Variants in OSBPL10 observed in about 807,000 individuals in gnomAD.
The protein encoded by OSBPL10 is oxysterol binding protein like 10.
OSBPL10 carries 49 observed loss-of-function variants against 81.7 expected under a neutral mutation model. That is an observed-to-expected ratio of 0.60 (90% CI 0.48 to 0.76). The LOEUF (loss-of-function observed/expected upper bound fraction) is 0.76. Ranked by LOEUF, OSBPL10 falls within the 30% of genes least tolerant of loss-of-function variation. The pLI, the probability that OSBPL10 is intolerant of heterozygous loss-of-function variation, is 0.00. For missense variants in OSBPL10, 923 were observed against 987.8 expected (o/e 0.93, Z 0.88); for synonymous variants, 419 against 383.6 (o/e 1.09, Z -1.08).
intron 2 of OSBPL10, among the ~76,000 whole-genome samples, chr3:32,038,422 G>A (rs755984075): frequency 1.6e-4 from 25 of 152,166 alleles, no homozygotes; most frequent in Non-Finnish European, 2.9e-4. Context: ...CCGGGTTCAA[G>A]TGATTCTTGT....
At chr3:31,820,033 T>C (rs1699940507) in intron 4 of OSBPL10, among the ~76,000 whole-genome samples, 1 of 150,244 alleles carries the variant, frequency 6.7e-6, no homozygotes. Context: ...GTAGATCTCC[T>C]ATGGTTCTGT....
At chr3:31,783,146 T>TATATATATAC (rs1485968747) in intron 4 of OSBPL10, among the ~76,000 whole-genome samples, 71 of 112,942 alleles carry the variant, frequency 6.3e-4, no homozygotes, top group African/African-American at 2.3e-3. Flanking sequence ...TATATATATA[T>TATATATATAC]ACACACACAC....
chr3:31,775,935 T>C (rs941370631), intron 4 of OSBPL10, among the ~76,000 whole-genome samples: 3 of 152,094 alleles, frequency 2.0e-5, no homozygotes, highest in African/African-American at 4.8e-5. Context: ...ATATCGCTGA[T>C]GCAATATGAA....
chr3:31,775,229 G>C (rs1219162259), intron 4 of OSBPL10, among the ~76,000 whole-genome samples: 1 of 152,068 alleles, frequency 6.6e-6, no homozygotes, highest in Admixed American at 6.5e-5. Flanking sequence ...ATTTAAAAAA[G>C]AGTTTGCCCC....
At chr3:31,792,157 C>T (rs890437773) in intron 4 of OSBPL10, among the ~76,000 whole-genome samples, 1 of 151,036 alleles carries the variant, frequency 6.6e-6, no homozygotes, top group African/African-American at 2.4e-5. Flanking sequence ...CGAGCTCACG[C>T]AATTGAGGCT....
chr3:31,683,221 T>C (rs75026175), intron 8 of OSBPL10, among the ~76,000 whole-genome samples: 6,717 of 152,344 alleles, frequency 0.044, 376 homozygotes, highest in East Asian at 0.31. Flanking sequence ...CGAGCAGATT[T>C]TGAATAGGCA....
At chr3:32,048,493 G>T (rs1048880061) in intron 1 of OSBPL10, among the ~76,000 whole-genome samples, 3 of 151,968 alleles carry the variant, frequency 2.0e-5, no homozygotes, top group Admixed American at 6.6e-5. Context: ...TTTCAGTAGA[G>T]GCGGGGTTTC....
intron 2 of OSBPL10, among the ~76,000 whole-genome samples, chr3:32,016,536 G>A (rs372366290): frequency 1.3e-5 from 2 of 152,078 alleles, no homozygotes; most frequent in East Asian, 3.8e-4. Flanking sequence ...CATGGCACGT[G>A]TATACATATG....
intron 4 of OSBPL10, among the ~76,000 whole-genome samples, chr3:31,825,137 G>C (rs949393513): frequency 6.6e-6 from 1 of 152,066 alleles, no homozygotes; most frequent in African/African-American, 2.4e-5. Context: ...AAAAGGTTTG[G>C]GGATTTTTTT....
chr3:31,941,005 A>G (rs1223534890), intron 1 of OSBPL10, among the ~76,000 whole-genome samples: 1 of 152,172 alleles, frequency 6.6e-6, no homozygotes, highest in Non-Finnish European at 1.5e-5. Flanking sequence ...TTCCCTGAGC[A>G]CAGGGTCTCC....
In OSBPL10 at chr3:31,946,302, AG is replaced by A. The variant is rs1331213305; in HGVS notation, c.281+34596del. Among the ~76,000 whole-genome samples, 12 of 152,164 alleles carry A rather than the reference AG, an allele frequency of 7.9e-5. No homozygotes were observed. In the East Asian group the frequency reaches 2.1e-3, roughly 27 times the overall value. On this transcript the variant is annotated intron_variant, in intron 1 of 11. Transcript: ENST00000396556. ...GCCACTACTAAGTTTTTTAATGAAA[AG>A]GGGGAACTCAAGTTTTTTACTTTTT...
chr3:31,701,341 G>T (rs996232646), intron 7 of OSBPL10, among the ~76,000 whole-genome samples: 1 of 152,266 alleles, frequency 6.6e-6, no homozygotes. Context: ...CTGGCCTTCA[G>T]AATCTAGAAC....
At chr3:31,662,240 T>C in intron 11 of OSBPL10, 124 bp from the exon 12 acceptor site, 1 of 1,529,506 alleles carries the variant, frequency 6.5e-7, no homozygotes, top group Non-Finnish European at 8.8e-7. Flanking sequence ...CAGGCCAGGC[T>C]GCTGGCCTCA....
chr3:31,697,630 C>T (rs998762412), intron 7 of OSBPL10, among the ~76,000 whole-genome samples: 3 of 152,164 alleles, frequency 2.0e-5, no homozygotes, highest in Non-Finnish European at 4.4e-5. Flanking sequence ...CAAAACTTTA[C>T]AGTCATCTTT....
chr3:31,890,475 C>T (rs572848217), intron 1 of OSBPL10, among the ~76,000 whole-genome samples: 28 of 152,158 alleles, frequency 1.8e-4, no homozygotes, highest in African/African-American at 6.3e-4. Context: ...AAGGTGCTCA[C>T]TTGAGCAGAG....
chr3:31,774,792 T>C (rs111294597), intron 4 of OSBPL10, among the ~76,000 whole-genome samples: 3,860 of 149,692 alleles, frequency 0.026, 74 homozygotes, highest in Middle Eastern at 0.034. Flanking sequence ...ATTACAGGCA[T>C]GAGCCACTGC....
rs1699737191 is a variant in OSBPL10 at position 32,059,288 on chromosome 3, C to T, written n.186-12685G>A. On this transcript the variant is annotated intron_variant and non_coding_transcript_variant, in intron 1 of 3. Transcript: ENST00000479173. ...TCCAGCCTGGCAACAGAGCAAGACT[C>T]TGTCTCAAAACAACAACAGGCCGGG... Among the ~76,000 whole-genome samples, 15 of 150,488 alleles carry T rather than the reference C, an allele frequency of 1.0e-4. 1 individual carries two copies. In the South Asian group the frequency reaches 3.2e-3, roughly 32 times the overall value.
intron 1 of OSBPL10, among the ~76,000 whole-genome samples, chr3:31,900,397 T>C (rs1408896771): frequency 6.6e-6 from 1 of 152,176 alleles, no homozygotes; most frequent in African/African-American, 2.4e-5. Flanking sequence ...GCCCTGTTCC[T>C]GATAAAAGCT....
intron 2 of OSBPL10, among the ~76,000 whole-genome samples, chr3:32,024,486 A>ATT (rs34141476): frequency 0.056 from 6,219 of 111,664 alleles, 536 homozygotes; most frequent in African/African-American, 0.11. Flanking sequence ...TGTGAATGGA[A>ATT]TTTTTTTTTT....
Sources: allele counts gnomAD v4.1 joint callset (sites outside exome capture counted in the v4.1 genomes callset), GRCh38; gene constraint gnomAD v4.1.1; transcripts MANE v1.5; gene names NCBI Gene and HGNC (gene_info 2026-07-23, HGNC 2026-07-21).